TPO: variants seen among roughly 807,000 people sequenced by gnomAD.
TPO encodes the protein thyroid peroxidase, also known as thyroid microsomal antigen.
Under a neutral mutation model 96.9 loss-of-function variants are expected in TPO, and 78 were observed. The observed-to-expected ratio is 0.81, with a 90% CI of 0.67 to 0.97. TPO has a LOEUF of 0.97. TPO is among the 50% of genes least tolerant of loss of function. The pLI, the probability that TPO is intolerant of heterozygous loss-of-function variation, is 0.00. For synonymous variants in TPO, 547 were observed against 538.0 expected, an observed-to-expected ratio of 1.02 and a Z score of -0.23; for missense variants, 1,252 against 1,274.8, an observed-to-expected ratio of 0.98 and a Z score of 0.27.
intron 5 of TPO, among the ~76,000 whole-genome samples, chr2:1,445,220 A>C (rs1230881620): frequency 1.6e-5 from 2 of 124,790 alleles, no homozygotes; most frequent in African/African-American, 3.1e-5. Flanking sequence ...AGGAGTCACC[A>C]TGTTGGAAGG....
intron 2 of TPO, among the ~76,000 whole-genome samples, chr2:1,421,142 G>A (rs1663471266): frequency 2.0e-5 from 3 of 152,168 alleles, no homozygotes; most frequent in Non-Finnish European, 2.9e-5. Flanking sequence ...CACAGTGACC[G>A]AGGCTGAGAG....
At chr2:1,528,489 TC>T (rs1288912628) in intron 15 of TPO, among the ~76,000 whole-genome samples, 3 of 136,208 alleles carry the variant, frequency 2.2e-5, no homozygotes, top group South Asian at 2.4e-4. Context: ...CCTCCTCAAA[TC>T]CCCCCTTCTG....
At chr2:1,409,725 T>C (rs2148387384), upstream of TPO, among the ~76,000 whole-genome samples, 1 of 151,336 alleles carries the variant, frequency 6.6e-6, no homozygotes, top group African/African-American at 2.4e-5. Flanking sequence ...GGTCCCTGAG[T>C]CTCCTCTCAT....
intron 15 of TPO, among the ~76,000 whole-genome samples, chr2:1,517,983 C>A (rs575742469): frequency 6.6e-6 from 1 of 152,192 alleles, no homozygotes; most frequent in South Asian, 2.1e-4. Context: ...CTGCAGCCAG[C>A]CCTGCCCTCT....
chr2:1,408,410 T>G (rs1448989887), intron 1 of TPO, among the ~76,000 whole-genome samples: 1 of 152,182 alleles, frequency 6.6e-6, no homozygotes, highest in Non-Finnish European at 1.5e-5. Flanking sequence ...GGGGAGAGCA[T>G]CCTCACCCAG....
chr2:1,438,803 G>A, intron 5 of TPO: 1 of 692,086 alleles, frequency 1.4e-6, no homozygotes, highest in Non-Finnish European at 2.6e-6. Context: ...TTTTGCAAAT[G>A]CCTGGATTAA....
chr2:1,378,152 G>A (rs1192413718), intron 1 of TPO, among the ~76,000 whole-genome samples: 1 of 152,224 alleles, frequency 6.6e-6, no homozygotes, highest in African/African-American at 2.4e-5. Context: ...GGAACTGTGA[G>A]TTCGTTAAAC....
rs28991288 is a variant in TPO at position 1,495,977 on chromosome 2, CCTT to C, written c.2007-9_2007-7del. The C allele has an allele frequency of 8.9e-3, 14,341 of 1,611,222 alleles. 1,086 individuals are homozygous for C. The African/African-American group carries it at 0.17, about 19-fold the overall frequency. ...TGCACTGTGACCTTACTCACTGTCTCCTTCTCTGGAGGTTTTGGTGGGAGAACA... is the reference window on the plus strand; with the variant it reads ...TGCACTGTGACCTTACTCACTGTCTCCTCTGGAGGTTTTGGTGGGAGAACA... On this transcript the variant is annotated splice_polypyrimidine_tract_variant and intron_variant, in intron 11 of 16. Coordinates refer to ENST00000329066, the MANE Select transcript of TPO (RefSeq NM_001206744.2).
At chr2:1,530,216 ACCT>A (rs1302380371) in intron 15 of TPO, among the ~76,000 whole-genome samples, 2 of 22,350 alleles carry the variant, frequency 8.9e-5, no homozygotes, top group South Asian at 1.5e-3. Flanking sequence ...ACTGTGTGCA[ACCT>A]CCTCTAGTCC....
chr2:1,538,746 G>A (rs1377328247), intron 15 of TPO, among the ~76,000 whole-genome samples: 1 of 152,198 alleles, frequency 6.6e-6, no homozygotes, highest in Non-Finnish European at 1.5e-5. Flanking sequence ...CCATAACAAA[G>A]AACCACACGT....
intron 5 of TPO, among the ~76,000 whole-genome samples, chr2:1,452,616 C>T (rs1426566860): frequency 3.3e-5 from 5 of 152,110 alleles, no homozygotes; most frequent in African/African-American, 1.2e-4. Context: ...GCCATCTGGC[C>T]CTCAAAACTC....
At chr2:1,436,191 A>T in intron 4 of TPO, 61 bp from the exon 5 acceptor site, 1 of 1,613,346 alleles carries the variant, frequency 6.2e-7, no homozygotes, top group South Asian at 1.1e-5. Flanking sequence ...CTGCAATAGA[A>T]TATTTGTTAG....
chr2:1,489,192 ATC>A (rs1671469838), intron 10 of TPO, among the ~76,000 whole-genome samples: 1 of 122,238 alleles, frequency 8.2e-6, no homozygotes, highest in South Asian at 2.6e-4. Flanking sequence ...GCACATACCC[ATC>A]ACATGCCCAG....
At chr2:1,530,805 C>G (rs554443354) in intron 15 of TPO, among the ~76,000 whole-genome samples, 2 of 124,056 alleles carry the variant, frequency 1.6e-5, no homozygotes, top group African/African-American at 6.4e-5. Flanking sequence ...AATCCCCCGA[C>G]TGTGTGCAAC....
In TPO at chr2:1,464,319, T is replaced by G. The variant is rs144648914; in HGVS notation, c.819+8037T>G. 4.1e-3 allele frequency among the ~76,000 whole-genome samples: 618 copies of G among 152,328 alleles called. 1 individual carries two copies. Among genetic ancestry groups the G allele is most frequent in the African/African-American group, 0.014 (583 of 41,562 alleles). On this transcript the variant is annotated intron_variant, in intron 7 of 16. Coordinates refer to ENST00000329066, the MANE Select transcript of TPO (RefSeq NM_001206744.2). ...TTGATTGATGGGCATTTGGGTTGCT[T>G]CCACAGTTTGGCAATTGTGAATTGT...
chr2:1,464,852 C>G (rs542131094), intron 7 of TPO, among the ~76,000 whole-genome samples: 2 of 152,292 alleles, frequency 1.3e-5, no homozygotes, highest in African/African-American at 4.8e-5. Flanking sequence ...TGTGAGTTGT[C>G]TGTTTACTCT....
At chr2:1,449,542 G>T (rs571043393) in intron 5 of TPO, among the ~76,000 whole-genome samples, 1 of 152,250 alleles carries the variant, frequency 6.6e-6, no homozygotes, top group South Asian at 2.1e-4. Flanking sequence ...AAAACAGTTT[G>T]CTAAAGAACA....
At chr2:1,516,185 C>A (rs946144763) in intron 14 of TPO, among the ~76,000 whole-genome samples, 5 of 152,190 alleles carry the variant, frequency 3.3e-5, no homozygotes, top group African/African-American at 1.2e-4. Context: ...AGGCCCCTCA[C>A]CAGATGCTCT....
chr2:1,480,745 C>A, intron 8 of TPO, among the ~76,000 whole-genome samples: 1 of 151,576 alleles, frequency 6.6e-6, no homozygotes, highest in Non-Finnish European at 1.5e-5. Flanking sequence ...GTTTCTCCTG[C>A]TGCATCCGTC....
Sources: gnomAD v4.1 joint callset for allele counts (sites outside exome capture counted in the v4.1 genomes callset) on GRCh38, gnomAD v4.1.1 for gene constraint, MANE v1.5 for transcripts, NCBI Gene and HGNC (gene_info 2026-07-23, HGNC 2026-07-21) for gene names.